RIOK3: variants seen among roughly 807,000 people sequenced by gnomAD.
RIOK3 encodes the protein RIO kinase 3, also known as serine/threonine-protein kinase RIO3.
RIOK3 carries 40 observed loss-of-function variants against 63.5 expected under a neutral mutation model. The observed-to-expected ratio is 0.63, with a 90% CI of 0.49 to 0.82. RIOK3 has a LOEUF of 0.82. Among genes scored for constraint, RIOK3 ranks in the 40% least tolerant of loss-of-function variants. The pLI, the probability that RIOK3 is intolerant of heterozygous loss-of-function variation, is 0.00. For synonymous variants in RIOK3, 193 were observed against 205.0 expected (o/e 0.94, Z 0.50); for missense variants, 557 against 637.0 (o/e 0.87, Z 1.35).
chr18:23,471,473 A>G (rs2057455891), intron 7 of RIOK3, among the ~76,000 whole-genome samples: 1 of 152,182 alleles, frequency 6.6e-6, no homozygotes, highest in African/African-American at 2.4e-5. Context: ...AGGCCAGGGT[A>G]AGGAGTCTGC....
intron 5 of RIOK3, among the ~76,000 whole-genome samples, chr18:23,465,371 C>CA (rs1294245213): frequency 1.2e-4 from 18 of 151,000 alleles, no homozygotes; most frequent in African/African-American, 4.1e-4. Context: ...AACTCTGCCT[C>CA]AAAAAAACAA....
chr18:23,465,383 C>CA lies in RIOK3; in HGVS notation c.544-741dup, dbSNP rs1189509344. ...TGAAACTCTGCCTCAAAAAAACAAA[C>CA]AAAAAAAAAGCATTCTAAATCCTTC... On this transcript the variant is annotated intron_variant, in intron 5 of 12. Coordinates refer to ENST00000339486, the MANE Select transcript of RIOK3 (RefSeq NM_003831.5). 8.0e-5 allele frequency among the ~76,000 whole-genome samples: 12 copies of CA among 150,682 alleles called. No homozygotes were observed. In the South Asian group the frequency reaches 8.4e-4, roughly 11 times the overall value.
rs141605487 is a variant in RIOK3, at chr18:23,467,939, G to A, written c.815+413G>A. On this transcript the variant is annotated intron_variant, in intron 7 of 12. Transcript: ENST00000339486. ...ATTACAGGCACATGCCACCACGCCTGGCTAATTTTTGTATTTTTAGTAGAG... is the reference window on the plus strand; with the variant it reads ...ATTACAGGCACATGCCACCACGCCTAGCTAATTTTTGTATTTTTAGTAGAG... 1.8e-3 allele frequency among the ~76,000 whole-genome samples: 271 copies of A among 152,148 alleles called. 6 individuals are homozygous for A. In the East Asian group the frequency reaches 0.039, roughly 22 times the overall value.
At chr18:23,469,462 T>TCTCC (rs2057440958) in intron 7 of RIOK3, among the ~76,000 whole-genome samples, 1 of 146,016 alleles carries the variant, frequency 6.8e-6, no homozygotes, top group African/African-American at 2.6e-5. Flanking sequence ...CTCTCTCTTT[T>TCTCC]TCTTTCTTTC....
At chr18:23,465,098 A>C (rs2057397776) in intron 5 of RIOK3, among the ~76,000 whole-genome samples, 1 of 152,182 alleles carries the variant, frequency 6.6e-6, no homozygotes, top group Non-Finnish European at 1.5e-5. Flanking sequence ...TAGGCCGGGC[A>C]TGGAGGCTCA....
intron 11 of RIOK3, among the ~76,000 whole-genome samples, chr18:23,477,475 C>T (rs889364933): frequency 1.3e-5 from 2 of 152,024 alleles, no homozygotes; most frequent in Admixed American, 6.6e-5. Context: ...GTAAAATGTT[C>T]AAGGGGTGCC....
chr18:23,455,257 T>G (rs1052371107), intron 1 of RIOK3, among the ~76,000 whole-genome samples: 4 of 151,702 alleles, frequency 2.6e-5, no homozygotes, highest in Non-Finnish European at 1.5e-5. Context: ...TTTTTTTTTG[T>G]AGAGATGGGA....
intron 1 of RIOK3, among the ~76,000 whole-genome samples, chr18:23,457,844 C>T (rs12455007): frequency 0.27 from 41,200 of 151,788 alleles, 6,708 homozygotes; most frequent in Non-Finnish European, 0.36. Flanking sequence ...TGACTCGCTT[C>T]CAGTAGAGGA....
intron 7 of RIOK3, among the ~76,000 whole-genome samples, chr18:23,469,764 G>A (rs915869673): frequency 2.0e-5 from 3 of 152,086 alleles, no homozygotes; most frequent in Non-Finnish European, 4.4e-5. Flanking sequence ...GGGATTACAG[G>A]CGTGGGCCAC....
intron 1 of RIOK3, among the ~76,000 whole-genome samples, chr18:23,459,848 T>C (rs2057363191): frequency 6.6e-6 from 1 of 152,090 alleles, no homozygotes; most frequent in Non-Finnish European, 1.5e-5. Context: ...TAAATTAGTA[T>C]AAAAAATACT....
chr18:23,460,550 T>G (rs1318685992), intron 1 of RIOK3, among the ~76,000 whole-genome samples: 6 of 152,218 alleles, frequency 3.9e-5, no homozygotes, highest in Non-Finnish European at 8.8e-5. Context: ...TTAAGTAATC[T>G]ATGTAAGTTA....
intron 1 of RIOK3, chr18:23,456,420 C>T (rs1263087959): frequency 6.6e-6 from 1 of 151,846 alleles, no homozygotes; most frequent in African/African-American, 2.4e-5. Flanking sequence ...ATTAGTGTCA[C>T]TAAAGTTGAT....
chr18:23,457,594 G>A (rs535610348), intron 1 of RIOK3, among the ~76,000 whole-genome samples: 26 of 152,286 alleles, frequency 1.7e-4, no homozygotes, highest in East Asian at 9.6e-4. Context: ...ATAAACTACC[G>A]AGTGTAGTAT....
chr18:23,476,705 G>A (rs912518289), intron 9 of RIOK3, among the ~76,000 whole-genome samples: 5 of 152,060 alleles, frequency 3.3e-5, no homozygotes, highest in African/African-American at 1.2e-4. Flanking sequence ...TCAGGAGATT[G>A]AGACCATCCT....
intron 3 of RIOK3, 46 bp downstream of exon 3, chr18:23,464,158 C>T (rs2057390314): frequency 1.2e-6 from 2 of 1,607,250 alleles, no homozygotes; most frequent in Non-Finnish European, 8.5e-7. Context: ...GTAGAAAACA[C>T]TCATAATGTG....
At chr18:23,459,124 C>T (rs1418875725) in intron 1 of RIOK3, among the ~76,000 whole-genome samples, 1 of 152,120 alleles carries the variant, frequency 6.6e-6, no homozygotes, top group Non-Finnish European at 1.5e-5. Flanking sequence ...TCAATCTCTG[C>T]CTCAAAATAA....
intron 5 of RIOK3, among the ~76,000 whole-genome samples, chr18:23,465,263 C>G (rs370025968): frequency 1.3e-5 from 2 of 151,886 alleles, no homozygotes; most frequent in Admixed American, 6.6e-5. Flanking sequence ...CCCAGTTACT[C>G]GGGAGGCTGA....
intron 7 of RIOK3, among the ~76,000 whole-genome samples, chr18:23,469,412 CTCTCTCTCTCTCTCTCTCCCTCT>C (rs2057439830): frequency 9.8e-6 from 1 of 101,568 alleles, no homozygotes; most frequent in Non-Finnish European, 1.9e-5. Flanking sequence ...CCCCTCTCTC[CTCTCTCTCTCTCTCTCTCCCTCT>C]CCTCTCTCCT....
chr18:23,467,570 C>T, intron 7 of RIOK3, 44 bp downstream of exon 7: 1 of 1,573,600 alleles, frequency 6.4e-7, no homozygotes, highest in Non-Finnish European at 8.7e-7. Flanking sequence ...AACTTAGTCT[C>T]TTCTCCCCAA....
Sources: gnomAD v4.1 joint callset for allele counts (sites outside exome capture counted in the v4.1 genomes callset) on GRCh38, gnomAD v4.1.1 for gene constraint, MANE v1.5 for transcripts, NCBI Gene and HGNC (gene_info 2026-07-23, HGNC 2026-07-21) for gene names.